ESRRG: variants seen among roughly 807,000 people sequenced by gnomAD.
ESRRG encodes estrogen related receptor gamma.
ESRRG carries 13 observed loss-of-function variants against 44.0 expected under a neutral mutation model. That is an observed-to-expected ratio of 0.30 (90% CI 0.19 to 0.47). ESRRG has a LOEUF of 0.47. Among genes scored for constraint, ESRRG ranks in the 20% least tolerant of loss-of-function variants. ESRRG has a pLI of 1.00. For synonymous variants in ESRRG, 215 were observed against 214.6 expected, an observed-to-expected ratio of 1.00 and a Z score of -0.02; for missense variants, 395 against 580.6, an observed-to-expected ratio of 0.68 and a Z score of 3.29.
intron 1 of ESRRG, among the ~76,000 whole-genome samples, chr1:217,018,813 C>G (rs1478375768): frequency 1.3e-5 from 2 of 152,156 alleles, no homozygotes; most frequent in South Asian, 2.1e-4. Flanking sequence ...CTCATGCCGT[C>G]TTAAGCCAGC....
At chr1:216,703,927 A>G (rs1367820151) in intron 1 of ESRRG, among the ~76,000 whole-genome samples, 1 of 152,204 alleles carries the variant, frequency 6.6e-6, no homozygotes, top group Non-Finnish European at 1.5e-5. Flanking sequence ...GGTGCTGGAA[A>G]ATGGTTTTAA....
chr1:217,041,918 G>T (rs2083927397), intron 1 of ESRRG, among the ~76,000 whole-genome samples: 1 of 152,148 alleles, frequency 6.6e-6, no homozygotes, highest in Admixed American at 6.5e-5. Context: ...AACCAGTAGG[G>T]TTATATTCAA....
intron 1 of ESRRG, among the ~76,000 whole-genome samples, chr1:216,689,729 A>G (rs897158700): frequency 2.0e-5 from 3 of 152,168 alleles, no homozygotes; most frequent in Admixed American, 1.3e-4. Flanking sequence ...CTACACACAC[A>G]AACATATTAT....
intron 1 of ESRRG, among the ~76,000 whole-genome samples, chr1:217,023,932 A>C (rs2080767651): frequency 6.6e-6 from 1 of 152,260 alleles, no homozygotes. Context: ...TTAAACAGAG[A>C]TGGTAGCTAG....
chr1:216,722,636 C>T (rs1040126286), intron 1 of ESRRG, among the ~76,000 whole-genome samples: 12 of 152,090 alleles, frequency 7.9e-5, no homozygotes, highest in South Asian at 4.2e-4. Context: ...GTGTGAAAAT[C>T]TCATGTTACT....
chr1:217,092,511 C>G (rs2092363877), upstream of ESRRG, among the ~76,000 whole-genome samples: 1 of 152,124 alleles, frequency 6.6e-6, no homozygotes, highest in Non-Finnish European at 1.5e-5. Flanking sequence ...TTAAAGTGTC[C>G]TGAGTGTTCG....
At chr1:216,865,905 G>C (rs1363002650) in intron 2 of ESRRG, among the ~76,000 whole-genome samples, 4 of 152,054 alleles carry the variant, frequency 2.6e-5, no homozygotes, top group Non-Finnish European at 4.4e-5. Context: ...TATTGTACAA[G>C]TTCCAGAGTC....
At chr1:216,542,083 AGAGAG>A (rs2053034988) in intron 5 of ESRRG, among the ~76,000 whole-genome samples, 1 of 148,444 alleles carries the variant, frequency 6.7e-6, no homozygotes, top group Non-Finnish European at 1.5e-5. Context: ...AGAGAGAGAG[AGAGAG>A]AGAGAGAGAG....
intron 5 of ESRRG, among the ~76,000 whole-genome samples, chr1:216,545,146 C>CA (rs111229723): frequency 0.091 from 13,804 of 151,462 alleles, 677 homozygotes; most frequent in Middle Eastern, 0.14. Context: ...AGGGTTCAAG[C>CA]AAAAAATCCT....
chr1:216,645,470 A>G (rs2067336643), intron 3 of ESRRG, among the ~76,000 whole-genome samples: 1 of 152,186 alleles, frequency 6.6e-6, no homozygotes, highest in South Asian at 2.1e-4. Context: ...AAGAAAGAAT[A>G]TAGTCTAACT....
At chr1:217,039,770 C>A (rs1017296881) in intron 1 of ESRRG, among the ~76,000 whole-genome samples, 7 of 152,162 alleles carry the variant, frequency 4.6e-5, no homozygotes, top group Non-Finnish European at 8.8e-5. Flanking sequence ...TTTTTACAAC[C>A]TTTTGATATG....
At chr1:216,761,380 A>T (rs950539557) in intron 2 of ESRRG, among the ~76,000 whole-genome samples, 1 of 152,158 alleles carries the variant, frequency 6.6e-6, no homozygotes, top group Non-Finnish European at 1.5e-5. Flanking sequence ...GGCAAATTTC[A>T]GTAATGGAAA....
At chr1:217,048,971 C>T (rs954410974) in intron 1 of ESRRG, among the ~76,000 whole-genome samples, 4 of 152,180 alleles carry the variant, frequency 2.6e-5, no homozygotes, top group African/African-American at 7.2e-5. Flanking sequence ...AAAATCCTCA[C>T]TGTGGCTAAC....
chr1:216,688,768 T>G (rs1028713508), intron 1 of ESRRG, among the ~76,000 whole-genome samples: 1 of 152,184 alleles, frequency 6.6e-6, no homozygotes, highest in Non-Finnish European at 1.5e-5. Flanking sequence ...ATACAATTTT[T>G]GTCAAGTTTA....
chr1:216,786,174 C>T lies in ESRRG; in HGVS notation c.-13-108683G>A, dbSNP rs535959789. Among the ~76,000 whole-genome samples, 19 of 152,160 alleles carry T rather than the reference C, an allele frequency of 1.2e-4. No individual in the cohort carries two copies. In the East Asian group the frequency reaches 3.1e-3, roughly 25 times the overall value. ...AGGCCCAGGAGTACTAAGGGATTCTCTCTTCTATATTGTTTAATTGTTGCA... is the reference window on the plus strand; with the variant it reads ...AGGCCCAGGAGTACTAAGGGATTCTTTCTTCTATATTGTTTAATTGTTGCA... On this transcript the variant is annotated intron_variant, in intron 2 of 7. Transcript: ENST00000359162.
chr1:216,575,842 A>T lies in ESRRG; in HGVS notation c.590-7744T>A, dbSNP rs141278202. Among the ~76,000 whole-genome samples the T allele has an allele frequency of 4.6e-5, 7 of 152,250 alleles. No individual in the cohort carries two copies. In the East Asian group the frequency reaches 1.4e-3, roughly 29 times the overall value. Reference sequence around the variant, plus strand: ...ACCTGCATCATGATATGGGGCACATATAAAAGGTAGGAAGAATGATGAACT... The same window carrying T: ...ACCTGCATCATGATATGGGGCACATTTAAAAGGTAGGAAGAATGATGAACT... On this transcript the variant is annotated intron_variant, in intron 3 of 6. Transcript: ENST00000408911.
At chr1:216,802,817 C>T (rs959661668) in intron 2 of ESRRG, among the ~76,000 whole-genome samples, 1 of 152,126 alleles carries the variant, frequency 6.6e-6, no homozygotes, top group Admixed American at 6.6e-5. Context: ...CTCAGCAAAT[C>T]TATGAGCTAG....
chr1:216,937,848 A>G (rs1221051449), intron 2 of ESRRG, among the ~76,000 whole-genome samples: 1 of 152,172 alleles, frequency 6.6e-6, no homozygotes, highest in African/African-American at 2.4e-5. Context: ...ACACACATGC[A>G]TAATGCAGAA....
intron 6 of ESRRG, among the ~76,000 whole-genome samples, chr1:216,509,130 T>C (rs528228180): frequency 1.7e-4 from 26 of 152,304 alleles, no homozygotes; most frequent in African/African-American, 6.3e-4. Flanking sequence ...GTGGCACTGG[T>C]AATATGTGTC....
Sources: gnomAD v4.1 joint callset for allele counts (sites outside exome capture counted in the v4.1 genomes callset) on GRCh38, gnomAD v4.1.1 for gene constraint, MANE v1.5 for transcripts, NCBI Gene and HGNC (gene_info 2026-07-23, HGNC 2026-07-21) for gene names.